The following QDPR variants were observed in gnomAD, a reference collection of about 807,000 sequenced individuals.
QDPR encodes dihydropteridine reductase.
In QDPR, 23 loss-of-function variants were observed where a neutral mutation model predicts 31.7. The observed-to-expected ratio is 0.73, with a 90% CI of 0.52 to 1.03. The LOEUF (loss-of-function observed/expected upper bound fraction) is 1.03, where lower values mean the gene tolerates loss of function less well. Ranked by LOEUF, QDPR falls within the 50% of genes least tolerant of loss-of-function variation. The pLI, the probability that QDPR is intolerant of heterozygous loss-of-function variation, is 0.00. For missense variants in QDPR, 324 were observed against 323.8 expected, an observed-to-expected ratio of 1.00 and a Z score of 0.00; for synonymous variants, 124 against 124.7, an observed-to-expected ratio of 0.99 and a Z score of 0.03.
chr4:17,490,869 G>T, intron 5 of QDPR, 124 bp from the exon 6 acceptor site: 1 of 719,312 alleles, frequency 1.4e-6, no homozygotes, highest in Non-Finnish European at 2.5e-6. Flanking sequence ...GGCACTGAGG[G>T]TGCTATTTAC....
intron 1 of QDPR, among the ~76,000 whole-genome samples, chr4:17,509,635 G>A (rs1256214814): frequency 6.6e-6 from 1 of 152,168 alleles, no homozygotes; most frequent in South Asian, 2.1e-4. Context: ...GTTGAGGCGA[G>A]AGGATCACTT....
intron 2 of QDPR, among the ~76,000 whole-genome samples, chr4:17,505,249 T>TC (rs1451799183): frequency 2.0e-5 from 3 of 146,694 alleles, no homozygotes; most frequent in East Asian, 4.0e-4. Context: ...ATTTCTTTTT[T>TC]TTTTTTTTTT....
intron 5 of QDPR, among the ~76,000 whole-genome samples, chr4:17,491,180 C>T (rs1718152788): frequency 6.6e-6 from 1 of 152,156 alleles, no homozygotes; most frequent in Admixed American, 6.5e-5. Flanking sequence ...AAATATGTGG[C>T]TATTTTCCAC....
In QDPR at chr4:17,511,980, T is replaced by G; in HGVS notation, c.75A>C (p.Arg25=). The G allele has an allele frequency of 6.2e-7, 1 of 1,610,318 alleles. No homozygotes were observed. Among genetic ancestry groups the G allele is most frequent in the East Asian group, 2.2e-5 (1 of 44,738 alleles). Residue 25 remains arginine, a synonymous_variant, in exon 1 of 7, where the codon CGA becomes CGC. Transcript: ENST00000281243. ...VYGGRGALGS[R]CVQAFRARNW... is the part of the protein sequence containing the mutation. ...TGCGGGCCCGAAAAGCCTGCACGCATCGAGAACCCAGAGCGCCCCTGCCGC... is the reference window on the plus strand; with the variant it reads ...TGCGGGCCCGAAAAGCCTGCACGCAGCGAGAACCCAGAGCGCCCCTGCCGC...
chr4:17,499,739 G>A (rs1198222640), intron 4 of QDPR, among the ~76,000 whole-genome samples: 2 of 152,144 alleles, frequency 1.3e-5, no homozygotes, highest in Non-Finnish European at 2.9e-5. Flanking sequence ...GGGCATCATA[G>A]CGAGACCCTG....
chr4:17,504,000 G>T (rs1309219339), intron 3 of QDPR, among the ~76,000 whole-genome samples: 1 of 151,854 alleles, frequency 6.6e-6, no homozygotes, highest in South Asian at 2.1e-4. Flanking sequence ...GAAGGGAAAA[G>T]AAAAGATGAA....
chr4:17,505,498 C>T (rs898525037), intron 2 of QDPR, among the ~76,000 whole-genome samples: 5 of 152,120 alleles, frequency 3.3e-5, no homozygotes, highest in Non-Finnish European at 7.3e-5. Context: ...TCGCCTGCCT[C>T]GGCCTCTCAG....
At chr4:17,507,119 T>G (rs1454776943) in intron 2 of QDPR, among the ~76,000 whole-genome samples, 3 of 152,144 alleles carry the variant, frequency 2.0e-5, no homozygotes, top group Admixed American at 2.0e-4. Flanking sequence ...AAAACATCAG[T>G]ATTGAGATTA....
In QDPR at chr4:17,487,205, G is replaced by C; in HGVS notation, c.661C>G (p.Arg221Gly). 3.1e-6 allele frequency: 5 copies of C among 1,614,088 alleles called. No individual in the cohort carries two copies. Among genetic ancestry groups the C allele is most frequent in the Non-Finnish European group, 4.2e-6 (5 of 1,180,008 alleles). Reference protein sequence around the residue: ...TFHDWITGKNRPSSGSLIQVV... With the variant: ...TFHDWITGKNGPSSGSLIQVV... The stretch of plus-strand genomic sequence containing the variant: ...TGGATTAGGCTTCCTGAGCTCGGTC[G>C]GTTTTTCCCTGTGATCCAGTCATGG... The change falls in exon 7 of 7, where the codon CGA (arginine) becomes GGA (glycine). Residue 221 changes from arginine (R) to glycine (G), a missense_variant. Coordinates refer to ENST00000281243, the MANE Select transcript of QDPR (RefSeq NM_000320.3).
At chr4:17,493,573 CTTT>C (rs377589532) in intron 4 of QDPR, among the ~76,000 whole-genome samples, 1 of 152,000 alleles carries the variant, frequency 6.6e-6, no homozygotes, top group African/African-American at 2.4e-5. Context: ...CAGGCAAACG[CTTT>C]TTTTATAGTT....
chr4:17,486,689 T>A lies in QDPR; in HGVS notation c.*442A>T. 4.7e-6 allele frequency: 1 copy of A among 214,336 alleles called. No homozygotes were observed. Among genetic ancestry groups the A allele is most frequent in the Non-Finnish European group, 9.5e-6 (1 of 104,786 alleles). The allele number at this position is 214,336 out of a possible 1,614,324, so 13.3% of individuals were successfully genotyped here. A position where few individuals can be genotyped will look rare whatever the true frequency, so the allele number is the denominator to read the frequency against. On this transcript the variant is annotated 3_prime_UTR_variant, in exon 7 of 7. Transcript: ENST00000281243. ...AGTTTTGCTTATACCACAAAAGGAG[T>A]TAAGGCAGTTTAATTCAAGGATGCG... is the stretch of plus-strand genomic sequence containing the variant.
rs530991945 is a variant in QDPR, at chr4:17,497,424, G to A, written c.436+4295C>T. On this transcript the variant is annotated intron_variant, in intron 4 of 6. Coordinates refer to ENST00000281243, the MANE Select transcript of QDPR (RefSeq NM_000320.3). Reference sequence around the variant, plus strand: ...TCAGAGGTGGACTCACCCCCACCAAGAGCACTCCGCTTAGACCGTAATGTA... The same window carrying A: ...TCAGAGGTGGACTCACCCCCACCAAAAGCACTCCGCTTAGACCGTAATGTA... Among the ~76,000 whole-genome samples, 683 of 151,814 alleles carry A rather than the reference G, an allele frequency of 4.5e-3. 2 individuals are homozygous for A. The highest frequency in any genetic ancestry group is 0.016 in the African/African-American group (643 of 41,262).
chr4:17,502,026 G>T (rs1577191843), intron 3 of QDPR, among the ~76,000 whole-genome samples, 167 bp from the exon 4 acceptor site: 1 of 152,218 alleles, frequency 6.6e-6, no homozygotes, highest in East Asian at 1.9e-4. Flanking sequence ...CAGAGACACA[G>T]GTTCAAATCC....
Position 17,504,456 on chromosome 4 carries a change from T to C in QDPR, c.218A>G (p.Lys73Arg), listed in dbSNP as rs749575728. Residue 73 changes from lysine (K) to arginine (R), a missense_variant, in exon 3 of 7, where the codon AAG becomes AGG. Transcript: ENST00000281243. ...QADQVTAEVGKLLGEEKVDAI... is the reference protein window; with the variant it reads ...QADQVTAEVGRLLGEEKVDAI... ...ATCCACCTTCTCTTCACCCAAGAGC[T>C]TTCCAACCTCAGCAGTCACCTTCAA... 1 of 1,614,188 alleles carries C rather than the reference T, an allele frequency of 6.2e-7. No homozygotes were observed. Among genetic ancestry groups the C allele is most frequent in the East Asian group, 2.2e-5 (1 of 44,888 alleles).
intron 4 of QDPR, among the ~76,000 whole-genome samples, chr4:17,499,886 C>A (rs1383590982): frequency 6.6e-6 from 1 of 152,162 alleles, no homozygotes; most frequent in Non-Finnish European, 1.5e-5. Context: ...CCACTACATT[C>A]CAGCCTGGGT....
rs747311750 is a variant in QDPR, at chr4:17,496,442, C to CAAAAAAAAAA, written c.437-4112_437-4103dup. On this transcript the variant is annotated intron_variant, in intron 4 of 6. Transcript: ENST00000281243. ...CTGGGCAATAAGGGCAAAACTGTCT[C>CAAAAAAAAAA]AAAAAAAAAAAAAAAAAAAAAAAAA... 6.0e-3 allele frequency among the ~76,000 whole-genome samples: 386 copies of CAAAAAAAAAA among 64,606 alleles called. 16 individuals carry two copies. The highest frequency in any genetic ancestry group is 7.7e-3 in the Non-Finnish European group (271 of 35,364). The allele number at this position is 64,606 out of a possible 152,430, so 42.4% of individuals were successfully genotyped here.
intron 4 of QDPR, among the ~76,000 whole-genome samples, chr4:17,493,179 G>A (rs972302641): frequency 2.6e-5 from 4 of 152,102 alleles, no homozygotes; most frequent in Non-Finnish European, 4.4e-5. Context: ...GTGGTGCCTC[G>A]TGCCTTTAAT....
chr4:17,488,167 G>A lies in QDPR; in HGVS notation c.630-931C>T, dbSNP rs576798421. On this transcript the variant is annotated intron_variant, in intron 6 of 6. Coordinates refer to ENST00000281243, the MANE Select transcript of QDPR (RefSeq NM_000320.3). ...TCCCAGCTACTCAGGAGGCTGTGGT[G>A]GGATGATTGCTTGAGCCCCGGAGAT... is the stretch of plus-strand genomic sequence containing the variant. Among the ~76,000 whole-genome samples the A allele has an allele frequency of 7.2e-5, 11 of 152,086 alleles. No homozygotes were observed. The South Asian group carries it at 2.1e-3, about 29-fold the overall frequency.
At chr4:17,495,618 G>C (rs537024458) in intron 4 of QDPR, among the ~76,000 whole-genome samples, 1 of 152,266 alleles carries the variant, frequency 6.6e-6, no homozygotes, top group East Asian at 1.9e-4. Context: ...ACTCGAAAGG[G>C]CTCTTTCATT....
Sources: gnomAD v4.1 joint callset for allele counts (sites outside exome capture counted in the v4.1 genomes callset) on GRCh38, gnomAD v4.1.1 for gene constraint, MANE v1.5 for transcripts, NCBI Gene and HGNC (gene_info 2026-07-23, HGNC 2026-07-21) for gene names.